The following DENND4C variants were observed in gnomAD, a reference collection of about 807,000 sequenced individuals.
The protein encoded by DENND4C is DENN domain containing 4C, also known as DENN domain-containing protein 4C.
In DENND4C, 108 loss-of-function variants were observed where a neutral mutation model predicts 203.0. That is an observed-to-expected ratio of 0.53 (90% CI 0.46 to 0.62). The LOEUF (loss-of-function observed/expected upper bound fraction) is 0.62. Ranked by LOEUF, DENND4C falls within the 20% of genes least tolerant of loss-of-function variation. The pLI is 0.00. For missense variants in DENND4C, 2,481 were observed against 2,301.2 expected, an observed-to-expected ratio of 1.08 and a Z score of -1.60; for synonymous variants, 871 against 792.4, an observed-to-expected ratio of 1.10 and a Z score of -1.67.
At chr9:19,241,728 A>T (rs1368227273) in intron 1 of DENND4C, among the ~76,000 whole-genome samples, 1 of 152,018 alleles carries the variant, frequency 6.6e-6, no homozygotes, top group African/African-American at 2.4e-5. Context: ...GGTAGCTTTT[A>T]AAAAACATAA....
intron 12 of DENND4C, among the ~76,000 whole-genome samples, chr9:19,322,113 A>G (rs954745520): frequency 6.6e-6 from 1 of 152,148 alleles, no homozygotes. Context: ...ACATGAAGGG[A>G]GAGCGCATAC....
At chr9:19,348,563 C>T (rs565790055) in intron 23 of DENND4C, among the ~76,000 whole-genome samples, 324 of 151,734 alleles carry the variant, frequency 2.1e-3, no homozygotes, top group African/African-American at 7.3e-3. Flanking sequence ...AATTTCAGAT[C>T]GTAAAAGGTC....
chr9:19,331,906 C>T (rs1271975505), intron 16 of DENND4C, 72 bp from the exon 17 acceptor site: 7 of 1,396,598 alleles, frequency 5.0e-6, no homozygotes, highest in Non-Finnish European at 9.8e-7. Context: ...TCTCCTCTCC[C>T]TTTTCCTTCT....
intron 1 of DENND4C, among the ~76,000 whole-genome samples, chr9:19,244,374 G>A (rs1031396974): frequency 6.6e-6 from 1 of 151,872 alleles, no homozygotes; most frequent in African/African-American, 2.4e-5. Context: ...TTCCTTTTTG[G>A]ATTACTTGAG....
At chr9:19,273,342 T>C (rs1381348815) in intron 1 of DENND4C, among the ~76,000 whole-genome samples, 2 of 151,938 alleles carry the variant, frequency 1.3e-5, no homozygotes, top group African/African-American at 2.4e-5. Context: ...CACCTTGGCC[T>C]CCCAAAGTGC....
In DENND4C at chr9:19,357,279, T is replaced by TTAA. The variant is rs1825637653; in HGVS notation, c.4964+127_4964+128insATA. ...CTGGCATTTAAGAGTACATCTTAAC[T>TTAA]TATTACCACATAGTGTTTAACGAGC... On this transcript the variant is annotated intron_variant, in intron 27 of 32. Transcript: ENST00000434457. The TTAA allele has an allele frequency of 1.2e-5, 9 of 726,306 alleles. No individual in the cohort carries two copies. In the South Asian group the frequency reaches 1.7e-4, roughly 13 times the overall value. 45.0% of individuals were successfully genotyped at this position (726,306 alleles called of 1,614,324 possible). A position where few individuals can be genotyped will look rare whatever the true frequency, so the allele number is the denominator to read the frequency against.
intron 1 of DENND4C, among the ~76,000 whole-genome samples, chr9:19,256,632 T>G (rs1239187275): frequency 6.6e-6 from 1 of 152,106 alleles, no homozygotes; most frequent in Non-Finnish European, 1.5e-5. Context: ...TTCTTTAAAT[T>G]TTATTTTTTT....
At chr9:19,287,744 T>G (rs1835481262) in intron 3 of DENND4C, among the ~76,000 whole-genome samples, 1 of 151,824 alleles carries the variant, frequency 6.6e-6, no homozygotes. Context: ...TACTTATTTT[T>G]TTTTTTCAGA....
chr9:19,359,354 C>T (rs1019085483), intron 28 of DENND4C, among the ~76,000 whole-genome samples: 1 of 151,770 alleles, frequency 6.6e-6, no homozygotes, highest in African/African-American at 2.4e-5. Flanking sequence ...TAACTGGAAC[C>T]ACAGGCACAC....
Position 19,369,894 on chromosome 9 carries a change from T to G in DENND4C, c.5582T>G (p.Val1861Gly), listed in dbSNP as rs746651420. 3.1e-6 allele frequency: 5 copies of G among 1,613,744 alleles called. No individual in the cohort carries two copies. Among genetic ancestry groups the G allele is most frequent in the Non-Finnish European group, 4.2e-6 (5 of 1,179,878 alleles). Residue 1861 changes from valine (V) to glycine (G), a missense_variant, in exon 31 of 33, where the codon GTA (valine) becomes GGA (glycine). By Grantham distance (109) the Val-to-Gly change is moderately radical. Around this residue, in one of 3 missense-constraint regions of DENND4C, gnomAD observed 2,289 missense variants for 2,113.3 expected, o/e 1.08. Transcript: ENST00000434457. The part of the protein sequence containing the change: ...SEEQQETSTL[V>G]ETIRQSIQHN... The stretch of plus-strand genomic sequence containing the variant: ...GAACAACAAGAAACAAGCACTTTAG[T>G]AGAAACCATCAGGCAGAGTATTCAG...
intron 1 of DENND4C, among the ~76,000 whole-genome samples, chr9:19,244,266 G>A (rs897798505): frequency 2.6e-5 from 4 of 152,108 alleles, no homozygotes; most frequent in African/African-American, 9.7e-5. Flanking sequence ...ACTGACCTCA[G>A]GTCATCCACC....
At chr9:19,307,984 T>G (rs930579885) in intron 10 of DENND4C, among the ~76,000 whole-genome samples, 1 of 151,974 alleles carries the variant, frequency 6.6e-6, no homozygotes, top group Non-Finnish European at 1.5e-5. Context: ...TAAATAAAAT[T>G]TTGTTTTGCA....
In DENND4C at chr9:19,276,292, A is replaced by G; in HGVS notation, c.118A>G (p.Lys40Glu). ...NRLDTKSTGPKAPITDIAIII... is the reference protein window; with the variant it reads ...NRLDTKSTGPEAPITDIAIII... ...TTTAGATACTAAGTCAACTGGACCT[A>G]AAGCTCCAATTACAGACATTGCCAT... The change falls in exon 2 of 33, where the codon AAA (lysine) becomes GAA (glutamate). Residue 40 changes from lysine to glutamate, a missense_variant. Physicochemically the swap from Lys to Glu is moderately conservative, Grantham distance 56. This residue lies in a region of DENND4C where 187 missense variants were observed against 167.4 expected (regional missense o/e 1.12). Coordinates refer to ENST00000434457, the MANE Select transcript of DENND4C (RefSeq NM_001330640.2). 6 of 1,231,934 alleles carry G rather than the reference A, an allele frequency of 4.9e-6. No individual in the cohort carries two copies. Among genetic ancestry groups the G allele is most frequent in the Non-Finnish European group, 6.1e-6 (6 of 987,770 alleles). The allele number at this position is 1,231,934 out of a possible 1,614,324, so 76.3% of individuals were successfully genotyped here. A position where few individuals can be genotyped will look rare whatever the true frequency, so the allele number is the denominator to read the frequency against.
Position 19,241,287 on chromosome 9 carries a change from C to G in DENND4C, c.-18+10454C>G, listed in dbSNP as rs139187955. 4.3e-3 allele frequency among the ~76,000 whole-genome samples: 659 copies of G among 152,148 alleles called. 2 individuals are homozygous for G. The highest frequency in any genetic ancestry group is 0.01 in the Middle Eastern group (3 of 294). ...TTAAAATGTTTGTTGTTTTTTGACTCTCGTAACAACACTTAAATACAAACG... is the reference window on the plus strand; with the variant it reads ...TTAAAATGTTTGTTGTTTTTTGACTGTCGTAACAACACTTAAATACAAACG... On this transcript the variant is annotated intron_variant, in intron 1 of 32. Transcript: ENST00000434457.
intron 12 of DENND4C, among the ~76,000 whole-genome samples, chr9:19,323,585 A>G (rs142127508): frequency 9.8e-5 from 15 of 152,332 alleles, no homozygotes; most frequent in Middle Eastern, 6.8e-3. Context: ...CCTGAAATCA[A>G]TAGATGTCTA....
intron 5 of DENND4C, chr9:19,292,212 T>G (rs1209123158): frequency 6.6e-6 from 1 of 151,530 alleles, no homozygotes; most frequent in Admixed American, 6.6e-5. Context: ...TTTTTTTTAG[T>G]AGAGACAGGA....
chr9:19,373,050 G>T lies in DENND4C; in HGVS notation c.*877G>T, dbSNP rs1829106580. ...TAAATGACTACTACTAAACTTGTCT[G>T]TAGTCATTAATCTTAAAATTACCTG... On this transcript the variant is annotated 3_prime_UTR_variant, in exon 33 of 33. Transcript: ENST00000434457. 6.6e-6 allele frequency: 1 copy of T among 152,098 alleles called. No homozygotes were observed. The highest frequency in any genetic ancestry group is 1.5e-5 in the Non-Finnish European group (1 of 68,024). The allele number at this position is 152,098 out of a possible 1,614,324, so 9.4% of individuals were successfully genotyped here.
chr9:19,314,948 G>A (rs1043118751), intron 10 of DENND4C, among the ~76,000 whole-genome samples: 1 of 151,772 alleles, frequency 6.6e-6, no homozygotes, highest in South Asian at 2.1e-4. Flanking sequence ...TATCACATGA[G>A]GTCAGGAGTT....
chr9:19,244,179 C>T (rs943715838), intron 1 of DENND4C, among the ~76,000 whole-genome samples: 24 of 152,082 alleles, frequency 1.6e-4, no homozygotes, highest in African/African-American at 5.8e-4. Context: ...TACAGGTGCA[C>T]ACCATCACAC....
Sources: allele counts gnomAD v4.1 joint callset (sites outside exome capture counted in the v4.1 genomes callset), GRCh38; gene constraint gnomAD v4.1.1; regional missense constraint gnomAD v4.1.1; transcripts MANE v1.5; gene names NCBI Gene and HGNC (gene_info 2026-07-23, HGNC 2026-07-21).